PTPRT: variants seen among roughly 807,000 people sequenced by gnomAD.
The protein encoded by PTPRT is protein tyrosine phosphatase receptor type T.
A neutral mutation model predicts 176.8 loss-of-function variants in PTPRT; 56 were observed. The ratio of observed to expected loss-of-function variants is 0.32; its 90% CI spans 0.26 to 0.40. PTPRT has a LOEUF of 0.40. PTPRT is among the 10% of genes least tolerant of loss of function. The probability of loss-of-function intolerance (pLI) is 1.00; values close to 1 mark genes in which losing one functional copy is unlikely to be tolerated. For missense variants in PTPRT, 1,540 were observed against 1,908.2 expected (o/e 0.81, Z 3.60); for synonymous variants, 783 against 739.0 (o/e 1.06, Z -0.96).
chr20:42,316,123 G>A (rs2057718211), intron 11 of PTPRT, 127 bp from the exon 12 acceptor site: 1 of 1,049,696 alleles, frequency 9.5e-7, no homozygotes, highest in Middle Eastern at 3.1e-4. Context: ...CAAAACTCCA[G>A]TCCTGAGCAT....
chr20:42,086,061 C>T (rs1048484272), intron 27 of PTPRT, among the ~76,000 whole-genome samples: 3 of 151,916 alleles, frequency 2.0e-5, no homozygotes, highest in Non-Finnish European at 2.9e-5. Context: ...GATTCTCCTG[C>T]CTCAGCCTCC....
intron 1 of PTPRT, among the ~76,000 whole-genome samples, chr20:43,100,192 C>A (rs367720233): frequency 6.6e-6 from 1 of 152,168 alleles, no homozygotes; most frequent in East Asian, 1.9e-4. Context: ...CCTGGCCAAC[C>A]AGGGTAAAAC....
intron 1 of PTPRT, among the ~76,000 whole-genome samples, chr20:43,048,994 A>G (rs1323122285): frequency 6.6e-6 from 1 of 152,212 alleles, no homozygotes; most frequent in African/African-American, 2.4e-5. Flanking sequence ...GGGGTGTCAG[A>G]TGAAGCGGTC....
At chr20:42,537,470 C>T (rs1214425445) in intron 7 of PTPRT, among the ~76,000 whole-genome samples, 2 of 152,118 alleles carry the variant, frequency 1.3e-5, no homozygotes, top group Admixed American at 6.5e-5. Context: ...CTCTGATTTA[C>T]TTTCATATGA....
intron 1 of PTPRT, among the ~76,000 whole-genome samples, chr20:43,001,444 G>T (rs1411124208): frequency 6.6e-6 from 1 of 151,530 alleles, no homozygotes; most frequent in Non-Finnish European, 1.5e-5. Context: ...TAGATTGTGG[G>T]TATTCCCTAT....
chr20:42,342,716 G>A (rs556027619), intron 11 of PTPRT, among the ~76,000 whole-genome samples: 6 of 152,252 alleles, frequency 3.9e-5, no homozygotes, highest in East Asian at 1.9e-4. Context: ...TGCTCACTGC[G>A]GCTTCATGGA....
In PTPRT at chr20:43,189,783, G is replaced by A; in HGVS notation, c.-50C>T. The A allele has an allele frequency of 1.9e-6, 2 of 1,045,870 alleles. No homozygotes were observed. Among genetic ancestry groups the A allele is most frequent in the Non-Finnish European group, 2.3e-6 (2 of 859,678 alleles). 64.8% of individuals were successfully genotyped at this position (1,045,870 alleles called of 1,614,324 possible). A position where few individuals can be genotyped will look rare whatever the true frequency, so the allele number is the denominator to read the frequency against. On this transcript the variant is annotated 5_prime_UTR_variant, in exon 1 of 31. Transcript: ENST00000373187. This position sits in a 1 kb window ranked among gnomAD's most constrained non-coding sequence, Gnocchi z 5.0. ...CCCTTCCCGCGGGGGCCGGGGCCGG[G>A]ACTGGGGCGGGCGCGGGGTGGCCCC...
intron 7 of PTPRT, among the ~76,000 whole-genome samples, chr20:42,503,415 T>C (rs1448271975): frequency 1.3e-5 from 2 of 152,094 alleles, no homozygotes; most frequent in African/African-American, 4.8e-5. Flanking sequence ...CTGTTGCCTT[T>C]AAGACATTTT....
At chr20:42,050,320 C>T in the PTPRT span, among the ~76,000 whole-genome samples, 1 of 152,122 alleles carries the variant, frequency 6.6e-6, no homozygotes, top group Non-Finnish European at 1.5e-5. Flanking sequence ...CATACTCTTG[C>T]CTAGACACTG....
chr20:42,691,253 G>C (rs529308559), intron 6 of PTPRT, among the ~76,000 whole-genome samples: 19 of 152,368 alleles, frequency 1.2e-4, no homozygotes, highest in African/African-American at 3.6e-4. Context: ...TAGAGAGAAA[G>C]GGGGTGGTAG....
chr20:43,014,190 G>A (rs2146159728), intron 1 of PTPRT, among the ~76,000 whole-genome samples: 1 of 152,172 alleles, frequency 6.6e-6, no homozygotes, highest in East Asian at 1.9e-4. Flanking sequence ...TAACCACATG[G>A]CACTTCCCTG....
At chr20:42,083,327 A>G (rs1234049118) in intron 29 of PTPRT, among the ~76,000 whole-genome samples, 1 of 152,086 alleles carries the variant, frequency 6.6e-6, no homozygotes, top group African/African-American at 2.4e-5. Flanking sequence ...AATGTGTGGG[A>G]GGCATCTGGG....
chr20:43,041,394 G>A (rs931451013), intron 1 of PTPRT, among the ~76,000 whole-genome samples: 2 of 152,158 alleles, frequency 1.3e-5, no homozygotes, highest in Non-Finnish European at 2.9e-5. Context: ...AATTTATGAA[G>A]GTGACAACAG....
chr20:42,629,452 C>T (rs186966982), intron 7 of PTPRT, among the ~76,000 whole-genome samples: 1 of 152,220 alleles, frequency 6.6e-6, no homozygotes, highest in Non-Finnish European at 1.5e-5. Flanking sequence ...CAGAAGAAAA[C>T]AGGAGAAAAA....
chr20:42,978,778 G>A (rs758514160), intron 1 of PTPRT, among the ~76,000 whole-genome samples: 9 of 152,216 alleles, frequency 5.9e-5, no homozygotes, highest in Non-Finnish European at 1.2e-4. Context: ...CCAGCGCCAT[G>A]ACAGTTTACG....
chr20:42,348,525 G>A (rs769206445), intron 11 of PTPRT, among the ~76,000 whole-genome samples: 6 of 152,220 alleles, frequency 3.9e-5, no homozygotes, highest in Admixed American at 2.6e-4. Flanking sequence ...TGCCTGTACC[G>A]TTTGCTGGCT....
At chr20:42,868,370 C>G (rs1024629535) in intron 2 of PTPRT, among the ~76,000 whole-genome samples, 1 of 152,240 alleles carries the variant, frequency 6.6e-6, no homozygotes, top group South Asian at 2.1e-4. Flanking sequence ...TCAAGATAGC[C>G]AAGAACTTGG....
chr20:42,182,855 G>A (rs6102712), intron 16 of PTPRT, among the ~76,000 whole-genome samples: 4,073 of 151,984 alleles, frequency 0.027, 180 homozygotes, highest in African/African-American at 0.092. Flanking sequence ...CTTCATTACA[G>A]AGAGTTGGCC....
intron 11 of PTPRT, among the ~76,000 whole-genome samples, chr20:42,327,131 C>T (rs2057895441): frequency 6.7e-6 from 1 of 148,972 alleles, no homozygotes; most frequent in African/African-American, 2.5e-5. Context: ...GAGAGAGAAA[C>T]ATATAATTTT....
Sources: gnomAD v4.1 joint callset for allele counts (sites outside exome capture counted in the v4.1 genomes callset) on GRCh38, gnomAD v4.1.1 for gene constraint, Gnocchi (gnomAD v3.1) non-coding constraint, MANE v1.5 for transcripts, NCBI Gene and HGNC (gene_info 2026-07-23, HGNC 2026-07-21) for gene names.